The following CDH18 variants were observed in gnomAD, a reference collection of about 807,000 sequenced individuals.
CDH18 encodes cadherin 18, also known as cadherin-18.
In CDH18, 31 loss-of-function variants were observed where a neutral mutation model predicts 67.9. The observed-to-expected ratio is 0.46, with a 90% CI of 0.34 to 0.62. The LOEUF (loss-of-function observed/expected upper bound fraction) is 0.62, where lower values mean the gene tolerates loss of function less well. Among genes scored for constraint, CDH18 ranks in the 20% least tolerant of loss-of-function variants. CDH18 has a pLI of 0.01. For synonymous variants in CDH18, 362 were observed against 347.2 expected (o/e 1.04, Z -0.48); for missense variants, 890 against 975.5 (o/e 0.91, Z 1.17).
chr5:20,386,863 C>T (rs1744354124), intron 1 of CDH18, among the ~76,000 whole-genome samples: 1 of 152,048 alleles, frequency 6.6e-6, no homozygotes, highest in South Asian at 2.1e-4. Context: ...GGGCATGCCA[C>T]TGTCATTGTC....
At chr5:19,599,316 T>C (rs916337140) in intron 6 of CDH18, among the ~76,000 whole-genome samples, 12 of 152,154 alleles carry the variant, frequency 7.9e-5, no homozygotes, top group Non-Finnish European at 1.3e-4. Context: ...TGTTATATAA[T>C]GGATTATGTG....
chr5:20,160,459 G>T (rs1341667768), intron 2 of CDH18, among the ~76,000 whole-genome samples: 1 of 152,098 alleles, frequency 6.6e-6, no homozygotes. Context: ...CTACTGGTCT[G>T]GTAAGATTAC....
At chr5:19,703,642 T>A (rs1056949671) in intron 5 of CDH18, among the ~76,000 whole-genome samples, 1 of 152,072 alleles carries the variant, frequency 6.6e-6, no homozygotes, top group African/African-American at 2.4e-5. Flanking sequence ...TCAGTTCTAT[T>A]CAGCCAGGAA....
At chr5:19,485,985 T>TA (rs1274699716) in intron 11 of CDH18, among the ~76,000 whole-genome samples, 1 of 152,092 alleles carries the variant, frequency 6.6e-6, no homozygotes, top group Non-Finnish European at 1.5e-5. Flanking sequence ...ATAAGACAAA[T>TA]ACCAGAATAT....
intron 5 of CDH18, among the ~76,000 whole-genome samples, chr5:19,654,491 A>G (rs1164231971): frequency 6.6e-6 from 1 of 152,130 alleles, no homozygotes; most frequent in African/African-American, 2.4e-5. Flanking sequence ...CTGTGCATTC[A>G]AACCCCTTAC....
chr5:19,567,771 G>A (rs1315563780), intron 8 of CDH18, among the ~76,000 whole-genome samples: 1 of 152,184 alleles, frequency 6.6e-6, no homozygotes, highest in South Asian at 2.1e-4. Flanking sequence ...TATTTCATAT[G>A]CTAATAGATT....
intron 8 of CDH18, among the ~76,000 whole-genome samples, chr5:19,552,545 CATATA>C (rs1202831229): frequency 1.3e-4 from 20 of 152,102 alleles, no homozygotes; most frequent in African/African-American, 4.8e-4. Flanking sequence ...ATAATTGTGA[CATATA>C]ATTCAAACCC....
chr5:20,546,271 G>A (rs578016969), intron 1 of CDH18, among the ~76,000 whole-genome samples: 9 of 152,146 alleles, frequency 5.9e-5, no homozygotes, highest in African/African-American at 2.2e-4. Flanking sequence ...CTTCTTCTGA[G>A]CCTTCCAAAC....
At chr5:19,761,755 T>C (rs763853684) in intron 3 of CDH18, among the ~76,000 whole-genome samples, 5 of 152,130 alleles carry the variant, frequency 3.3e-5, no homozygotes, top group African/African-American at 7.2e-5. Flanking sequence ...AAAGTTCATA[T>C]GGAACCAAAA....
intron 10 of CDH18, among the ~76,000 whole-genome samples, chr5:19,519,885 C>T (rs1053352079): frequency 1.3e-5 from 2 of 152,046 alleles, no homozygotes; most frequent in Non-Finnish European, 2.9e-5. Flanking sequence ...GAGCCTCGGG[C>T]GAGAAAACAG....
At chr5:19,909,127 A>C (rs556207302) in intron 2 of CDH18, among the ~76,000 whole-genome samples, 1 of 152,212 alleles carries the variant, frequency 6.6e-6, no homozygotes, top group Non-Finnish European at 1.5e-5. Flanking sequence ...CATTTTCTAC[A>C]TTTATGGAGG....
chr5:20,199,369 G>A (rs1421404673), intron 2 of CDH18, among the ~76,000 whole-genome samples: 1 of 152,110 alleles, frequency 6.6e-6, no homozygotes, highest in Non-Finnish European at 1.5e-5. Flanking sequence ...GGAAGTTTAG[G>A]GTTTAATGAC....
chr5:19,535,124 G>A (rs192219938), intron 9 of CDH18, among the ~76,000 whole-genome samples: 1 of 152,192 alleles, frequency 6.6e-6, no homozygotes, highest in East Asian at 1.9e-4. Flanking sequence ...CCTTATTACT[G>A]AGCCAAAGAA....
intron 11 of CDH18, 183 bp downstream of exon 11, chr5:19,502,809 A>G: frequency 1.7e-6 from 1 of 587,386 alleles, no homozygotes; most frequent in East Asian, 2.9e-5. Context: ...ATTCAATGAA[A>G]GTTATTTGTA....
intron 1 of CDH18, among the ~76,000 whole-genome samples, chr5:20,574,210 T>A (rs1758989001): frequency 6.6e-6 from 1 of 151,816 alleles, no homozygotes; most frequent in Non-Finnish European, 1.5e-5. Context: ...AGTGTTTTTT[T>A]AAATATGCAT....
At chr5:19,899,406 A>AG (rs1019959021) in intron 2 of CDH18, among the ~76,000 whole-genome samples, 4 of 151,984 alleles carry the variant, frequency 2.6e-5, no homozygotes, top group African/African-American at 9.7e-5. Context: ...TTTCAAAAAA[A>AG]AAAAAAATGA....
intron 2 of CDH18, among the ~76,000 whole-genome samples, chr5:20,004,257 C>A (rs1736702101): frequency 6.6e-6 from 1 of 152,194 alleles, no homozygotes; most frequent in Non-Finnish European, 1.5e-5. Context: ...GCGCCCCCCA[C>A]CCGCAAGGGA....
chr5:19,608,439 A>G lies in CDH18; in HGVS notation c.811+3995T>C, dbSNP rs760677408. On this transcript the variant is annotated intron_variant, in intron 6 of 12. Transcript: ENST00000382275. Reference sequence around the variant, plus strand: ...TTAATTTGTTTCAAACAAAATTTTAATGATGAAAATATTATATAAATTCAT... The same window carrying G: ...TTAATTTGTTTCAAACAAAATTTTAGTGATGAAAATATTATATAAATTCAT... 2.0e-4 allele frequency among the ~76,000 whole-genome samples: 30 copies of G among 151,716 alleles called. 1 individual carries two copies. Among genetic ancestry groups the G allele is most frequent in the Non-Finnish European group, 3.8e-4 (26 of 67,716 alleles).
chr5:20,413,928 G>A (rs766028466), intron 1 of CDH18, among the ~76,000 whole-genome samples: 20 of 151,962 alleles, frequency 1.3e-4, no homozygotes, highest in Admixed American at 3.9e-4. Context: ...TTTTCTTCTC[G>A]GGTTTTTATG....
Sources: allele counts gnomAD v4.1 joint callset (sites outside exome capture counted in the v4.1 genomes callset), GRCh38; gene constraint gnomAD v4.1.1; transcripts MANE v1.5; gene names NCBI Gene and HGNC (gene_info 2026-07-23, HGNC 2026-07-21).